The following PARL variants were observed in gnomAD, a reference collection of about 807,000 sequenced individuals.
PARL encodes presenilin-associated rhomboid-like protein, mitochondrial.
Under a neutral mutation model 51.6 loss-of-function variants are expected in PARL, and 44 were observed. The ratio of observed to expected loss-of-function variants is 0.85; its 90% CI spans 0.67 to 1.10. The LOEUF (loss-of-function observed/expected upper bound fraction) is 1.10. PARL is among the 50% of genes least tolerant of loss of function. The pLI is 0.00. For synonymous variants in PARL, 172 were observed against 164.0 expected, an observed-to-expected ratio of 1.05 and a Z score of -0.37; for missense variants, 441 against 469.5, an observed-to-expected ratio of 0.94 and a Z score of 0.56.
chr3:183,874,334 A>G (rs1733546496), intron 1 of PARL, among the ~76,000 whole-genome samples: 1 of 152,062 alleles, frequency 6.6e-6, no homozygotes, highest in Non-Finnish European at 1.5e-5. Context: ...GTCAATTAAT[A>G]ACCCTACAAT....
chr3:183,848,274 C>T (rs750538122), intron 4 of PARL, among the ~76,000 whole-genome samples: 2 of 152,194 alleles, frequency 1.3e-5, no homozygotes, highest in African/African-American at 2.4e-5. Flanking sequence ...GACGGAGTCT[C>T]GCTGTCTCCC....
chr3:183,871,831 T>A (rs1733252492), intron 1 of PARL, among the ~76,000 whole-genome samples: 1 of 152,164 alleles, frequency 6.6e-6, no homozygotes, highest in South Asian at 2.1e-4. Context: ...ATGCACTGGC[T>A]GTATATTTAA....
chr3:183,844,489 AAGTATCAGCACTGCCT>A lies in PARL; in HGVS notation c.512-179_512-164del, dbSNP rs1435803738. 6 of 614,944 alleles carry A rather than the reference AAGTATCAGCACTGCCT, an allele frequency of 9.8e-6. No individual in the cohort carries two copies. In the Admixed American group the frequency reaches 1.3e-4, roughly 14 times the overall value. The allele number at this position is 614,944 out of a possible 1,614,324, so 38.1% of individuals were successfully genotyped here. On this transcript the variant is annotated intron_variant, in intron 4 of 9. Coordinates refer to ENST00000317096, the MANE Select transcript of PARL (RefSeq NM_018622.7). ...AAAGCAAGTGAAATGAATGCTTTTA[AAGTATCAGCACTGCCT>A]AGGGTTGGTAAAGTCACAGAATTCC...
chr3:183,883,510 TC>T, intron 1 of PARL: 1 of 677,270 alleles, frequency 1.5e-6, no homozygotes, highest in Non-Finnish European at 1.8e-6. Context: ...CTTCAGGTGA[TC>T]CACCTGCCTC....
Position 183,829,485 on chromosome 3 carries a change from G to A in PARL, c.*113C>T. The A allele has an allele frequency of 1.9e-6, 3 of 1,609,938 alleles. No homozygotes were observed. The highest frequency in any genetic ancestry group is 1.7e-6 in the Non-Finnish European group (2 of 1,178,464). On this transcript the variant is annotated 3_prime_UTR_variant, in exon 10 of 10. Transcript: ENST00000317096. ...GGGACACAGCTGAAAACAGTGGGAG[G>A]CCAGATGCTGGCATCTTCCAGACGG... is the stretch of plus-strand genomic sequence containing the variant.
chr3:183,826,672 T>TTG (rs1228440187), downstream of PARL: 5 of 985,338 alleles, frequency 5.1e-6, no homozygotes, highest in Non-Finnish European at 4.8e-6. Context: ...GCAGGTCAGC[T>TTG]GAGCAGGCCA....
rs894877596 is a variant in PARL, at chr3:183,872,144, G to C, written c.126-4084C>G. On this transcript the variant is annotated intron_variant, in intron 1 of 9. Transcript: ENST00000317096. ...AGCCTCCCAAGTAGCTCGGATTACA[G>C]GCATGTACTGCCACACCTGGCTAAT... 3.3e-5 allele frequency among the ~76,000 whole-genome samples: 5 copies of C among 152,022 alleles called. No homozygotes were observed. The East Asian group carries it at 7.7e-4, about 23-fold the overall frequency.
At chr3:183,878,096 C>T (rs1404274703) in intron 1 of PARL, among the ~76,000 whole-genome samples, 1 of 152,120 alleles carries the variant, frequency 6.6e-6, no homozygotes, top group Non-Finnish European at 1.5e-5. Flanking sequence ...CAGCCCCAGC[C>T]AGTACTCTTG....
At chr3:183,847,242 T>C (rs922680480) in intron 4 of PARL, among the ~76,000 whole-genome samples, 5 of 152,116 alleles carry the variant, frequency 3.3e-5, no homozygotes, top group Admixed American at 3.3e-4. Flanking sequence ...TTCTGTAAAA[T>C]GAGAATAATA....
rs1734944255 is a variant in PARL, at chr3:183,884,768, C to T, written c.79G>A (p.Glu27Lys). 1 of 1,582,994 alleles carries T rather than the reference C, an allele frequency of 6.3e-7. No homozygotes were observed. Among genetic ancestry groups the T allele is most frequent in the East Asian group, 2.3e-5 (1 of 43,412 alleles). Reference sequence around the variant, plus strand: ...GGGGTTAGGACCGCAGTGAGCTCCTCGCAGCTGCGGCCGCCCACCGACGCA... The same window carrying T: ...GGGGTTAGGACCGCAGTGAGCTCCTTGCAGCTGCGGCCGCCCACCGACGCA... ...WGASVGGRSC[E>K]ELTAVLTPPQ... The change falls in exon 1 of 10, where the codon GAG (glutamate) becomes AAG (lysine). Residue 27 changes from glutamate to lysine, a missense_variant. Transcript: ENST00000317096.
Position 183,829,465 on chromosome 3 carries a change from A to G in PARL, c.*133T>C. On this transcript the variant is annotated 3_prime_UTR_variant, in exon 10 of 10. Coordinates refer to ENST00000317096, the MANE Select transcript of PARL (RefSeq NM_018622.7). The stretch of plus-strand genomic sequence containing the variant: ...TCTAAAAAGACACGGACTGGGGGAC[A>G]CAGCTGAAAACAGTGGGAGGCCAGA... 1.2e-6 allele frequency: 2 copies of G among 1,604,588 alleles called. No homozygotes were observed.
intron 4 of PARL, among the ~76,000 whole-genome samples, chr3:183,854,676 T>A (rs183233606): frequency 6.6e-6 from 1 of 150,668 alleles, no homozygotes; most frequent in East Asian, 1.9e-4. Context: ...AATGTGAATA[T>A]ACTGAACTCT....
chr3:183,877,116 A>AG (rs1733941645), intron 1 of PARL, among the ~76,000 whole-genome samples: 1 of 152,242 alleles, frequency 6.6e-6, no homozygotes, highest in Non-Finnish European at 1.5e-5. Context: ...CAGGAGGCTG[A>AG]GGCAGGAGAA....
At chr3:183,827,435 G>GAGAC (rs2108568222), downstream of PARL, among the ~76,000 whole-genome samples, 1 of 151,702 alleles carries the variant, frequency 6.6e-6, no homozygotes, top group Admixed American at 6.6e-5. Context: ...GAGAGAGAGA[G>GAGAC]AGACCCTGTC....
chr3:183,869,086 C>T (rs1028917115), intron 1 of PARL, among the ~76,000 whole-genome samples: 2 of 152,186 alleles, frequency 1.3e-5, no homozygotes, highest in Admixed American at 1.3e-4. Flanking sequence ...TTTTCCTCTA[C>T]CCCATTCAAA....
At chr3:183,841,533 G>C (rs1159452517) in intron 6 of PARL, among the ~76,000 whole-genome samples, 1 of 152,118 alleles carries the variant, frequency 6.6e-6, no homozygotes, top group Non-Finnish European at 1.5e-5. Context: ...TCTGAACCTG[G>C]GTCTATCGCC....
At chr3:183,831,132 C>T (rs1024551932) in intron 9 of PARL, among the ~76,000 whole-genome samples, 16 of 152,090 alleles carry the variant, frequency 1.1e-4, no homozygotes, top group Non-Finnish European at 1.6e-4. Flanking sequence ...TGCACCACCA[C>T]GCCCGGCTAA....
intron 2 of PARL, 109 bp from the exon 3 acceptor site, chr3:183,866,874 G>A (rs1732544976): frequency 1.2e-6 from 1 of 809,996 alleles, no homozygotes; most frequent in Non-Finnish European, 2.0e-6. Flanking sequence ...ACCAACAGAA[G>A]GGAATACTTG....
intron 4 of PARL, among the ~76,000 whole-genome samples, chr3:183,854,674 TA>T (rs1730932025): frequency 6.6e-6 from 1 of 150,454 alleles, no homozygotes; most frequent in African/African-American, 2.4e-5. Context: ...AAAATGTGAA[TA>T]TACTGAACTC....
Sources: allele counts gnomAD v4.1 joint callset (sites outside exome capture counted in the v4.1 genomes callset), GRCh38; gene constraint gnomAD v4.1.1; transcripts MANE v1.5; gene names NCBI Gene and HGNC (gene_info 2026-07-23, HGNC 2026-07-21).